SP6: variants seen among roughly 807,000 people sequenced by gnomAD.
SP6 encodes the protein transcription factor Sp6.
SP6 carries 10 observed loss-of-function variants against 23.4 expected under a neutral mutation model. The observed-to-expected ratio is 0.43, with a 90% CI of 0.26 to 0.72. SP6 has a LOEUF of 0.72. SP6 is among the 30% of genes least tolerant of loss of function. The pLI is 0.23. For synonymous variants in SP6, 238 were observed against 238.7 expected (o/e 1.00, Z 0.03); for missense variants, 482 against 523.8 (o/e 0.92, Z 0.78).
At chr17:47,857,600 G>T (rs2143664424), upstream of SP6, among the ~76,000 whole-genome samples, 1 of 152,220 alleles carries the variant, frequency 6.6e-6, no homozygotes, top group South Asian at 2.1e-4. Flanking sequence ...GGTGTGTTTA[G>T]ACCCTGCCTG....
At chr17:47,867,767 T>C in the SP6 span, among the ~76,000 whole-genome samples, 1 of 152,080 alleles carries the variant, frequency 6.6e-6, no homozygotes, top group Non-Finnish European at 1.5e-5. Flanking sequence ...GGGAAGAAAA[T>C]GGGCTCTTAC....
chr17:47,861,022 A>G, the SP6 span, among the ~76,000 whole-genome samples: 1 of 152,192 alleles, frequency 6.6e-6, no homozygotes, highest in African/African-American at 2.4e-5. Context: ...GGGTATCAGG[A>G]CCTGGCAGGC....
Position 47,848,343 on chromosome 17 carries a change from G to T in SP6, c.87C>A (p.Leu29=). ...GGCTCGTGTGGCCCTGGTAAGTTTG[G>T]AGAGGCTGCAGGTCGAGGCGCGGCG... ...ASPPRLDLQP[L]QTYQGHTSPE... The change falls in exon 2 of 2, where the codon CTC becomes CTA. Residue 29 remains leucine (L), a synonymous_variant. Coordinates refer to ENST00000536300, the MANE Select transcript of SP6 (RefSeq NM_001258248.2). The surrounding 1 kb of genome is among the most constrained non-coding windows in gnomAD (Gnocchi z 5.3). The T allele has an allele frequency of 6.2e-7, 1 of 1,606,980 alleles. No individual in the cohort carries two copies. Among genetic ancestry groups the T allele is most frequent in the Non-Finnish European group, 8.5e-7 (1 of 1,176,844 alleles).
upstream of SP6, among the ~76,000 whole-genome samples, chr17:47,856,747 G>A (rs897241855): frequency 1.3e-5 from 2 of 151,954 alleles, no homozygotes; most frequent in Non-Finnish European, 2.9e-5. Context: ...GACTTTTCAC[G>A]GGATGACATC....
the SP6 span, among the ~76,000 whole-genome samples, chr17:47,863,958 C>G: frequency 1.3e-5 from 2 of 150,996 alleles, no homozygotes; most frequent in Non-Finnish European, 3.0e-5. Flanking sequence ...CTGCCTCGGC[C>G]TCCCAAAGTG....
At chr17:47,868,685 C>T in the SP6 span, among the ~76,000 whole-genome samples, 1 of 152,230 alleles carries the variant, frequency 6.6e-6, no homozygotes, top group Admixed American at 6.5e-5. Flanking sequence ...CTCACACACC[C>T]TCCTTCCAAG....
chr17:47,848,438 T>G lies in SP6; in HGVS notation c.-9A>C. On this transcript the variant is annotated 5_prime_UTR_variant, in exon 2 of 2. Coordinates refer to ENST00000536300, the MANE Select transcript of SP6 (RefSeq NM_001258248.2). The surrounding 1 kb of genome is among the most constrained non-coding windows in gnomAD (Gnocchi z 5.3). The stretch of plus-strand genomic sequence containing the variant: ...CAGACAGCGGTTAGCATTGCCGGGA[T>G]CCGGGGTGGGGTGAGGGCAGGGACG... The G allele has an allele frequency of 6.7e-7, 1 of 1,494,360 alleles. No homozygotes were observed. Among genetic ancestry groups the G allele is most frequent in the African/African-American group, 1.4e-5 (1 of 71,596 alleles). 92.6% of individuals were successfully genotyped at this position (1,494,360 alleles called of 1,614,324 possible). A position where few individuals can be genotyped will look rare whatever the true frequency, so the allele number is the denominator to read the frequency against.
chr17:47,858,623 G>A (rs2034014331), upstream of SP6, among the ~76,000 whole-genome samples: 1 of 152,080 alleles, frequency 6.6e-6, no homozygotes. Flanking sequence ...GTGGAAATGG[G>A]CACTGGTCTG....
At chr17:47,868,276 T>C in the SP6 span, among the ~76,000 whole-genome samples, 83 of 152,266 alleles carry the variant, frequency 5.5e-4, no homozygotes, top group Non-Finnish European at 1.0e-3. Flanking sequence ...GAGCAAATAC[T>C]ATGATAATGA....
chr17:47,875,073 C>T, the SP6 span, among the ~76,000 whole-genome samples: 1 of 150,702 alleles, frequency 6.6e-6, no homozygotes, highest in East Asian at 2.0e-4. Flanking sequence ...CATTTCCCCT[C>T]TCCCACCCGG....
rs1180440307 is a variant in SP6, at chr17:47,851,144, G to C, written c.-283C>G. 4 of 152,272 alleles carry C rather than the reference G, an allele frequency of 2.6e-5. No individual in the cohort carries two copies. Among genetic ancestry groups the C allele is most frequent in the Non-Finnish European group, 4.4e-5 (3 of 68,114 alleles). The allele number at this position is 152,272 out of a possible 1,614,324, so 9.4% of individuals were successfully genotyped here. ...CGAGCGAACAAGGCCAGCTCCGCCC[G>C]TGACTCACCCGCGCTCTCTGCCTTC... On this transcript the variant is annotated 5_prime_UTR_variant, in exon 1 of 2. Coordinates refer to ENST00000536300, the MANE Select transcript of SP6 (RefSeq NM_001258248.2).
At chr17:47,849,657 T>G (rs955599833) in intron 1 of SP6, among the ~76,000 whole-genome samples, 5 of 152,184 alleles carry the variant, frequency 3.3e-5, no homozygotes, top group Non-Finnish European at 7.4e-5. Flanking sequence ...ATTTATTCAT[T>G]CAATAAACCA....
chr17:47,849,090 C>G (rs144705318), intron 1 of SP6, among the ~76,000 whole-genome samples: 1 of 152,156 alleles, frequency 6.6e-6, no homozygotes, highest in South Asian at 2.1e-4. Flanking sequence ...CTGGTCACAT[C>G]GGGCCCACTA....
chr17:47,875,338 C>G, the SP6 span, among the ~76,000 whole-genome samples: 10 of 152,314 alleles, frequency 6.6e-5, no homozygotes, highest in Non-Finnish European at 8.8e-5. Flanking sequence ...GCAGTCCCCC[C>G]CAAGGCCTCC....
chr17:47,850,152 C>T (rs1292074226), intron 1 of SP6, among the ~76,000 whole-genome samples: 1 of 152,190 alleles, frequency 6.6e-6, no homozygotes, highest in Non-Finnish European at 1.5e-5. Context: ...CTTTTGGTGC[C>T]TGGGAACTGC....
chr17:47,874,232 G>A, the SP6 span, among the ~76,000 whole-genome samples: 12 of 151,940 alleles, frequency 7.9e-5, no homozygotes, highest in Admixed American at 3.3e-4. Context: ...GAGTACAGGC[G>A]TGCACCACCA....
At chr17:47,874,788 G>A in the SP6 span, among the ~76,000 whole-genome samples, 1 of 152,084 alleles carries the variant, frequency 6.6e-6, no homozygotes. Context: ...TGGGGGCTTC[G>A]CAAGAACACA....
chr17:47,848,367 CG>C lies in SP6; in HGVS notation c.62del (p.Pro21ArgfsTer56). 6.3e-7 allele frequency: 1 copy of C among 1,583,758 alleles called. No homozygotes were observed. The highest frequency in any genetic ancestry group is 2.3e-5 in the East Asian group (1 of 43,568). On this transcript the variant is annotated frameshift_variant, in exon 2 of 2. Coordinates refer to ENST00000536300, the MANE Select transcript of SP6 (RefSeq NM_001258248.2). LOFTEE classifies it high-confidence loss of function. This position sits in a 1 kb window ranked among gnomAD's most constrained non-coding sequence, Gnocchi z 5.3. ...SQHTEAPHAS[P>X]PRLDLQPLQT... ...GGAGAGGCTGCAGGTCGAGGCGCGG[CG>C]GGGAGGCGTGCGGCGCTTCCGTGTG...
intron 1 of SP6, among the ~76,000 whole-genome samples, chr17:47,850,008 G>C (rs1029970815): frequency 2.0e-5 from 3 of 152,182 alleles, no homozygotes; most frequent in African/African-American, 7.2e-5. Context: ...AGGAGGACGG[G>C]GGCACCTACT....
Sources: gnomAD v4.1 joint callset for allele counts (sites outside exome capture counted in the v4.1 genomes callset) on GRCh38, gnomAD v4.1.1 for gene constraint, Gnocchi (gnomAD v3.1) non-coding constraint, MANE v1.5 for transcripts, NCBI Gene and HGNC (gene_info 2026-07-23, HGNC 2026-07-21) for gene names.